Variants in KDM6A observed in about 807,000 individuals in gnomAD.
KDM6A encodes the protein lysine-specific demethylase 6A.
KDM6A carries 11 observed loss-of-function variants against 117.6 expected under a neutral mutation model. The ratio of observed to expected loss-of-function variants is 0.09; its 90% CI spans 0.06 to 0.15. The LOEUF is 0.15. Ranked by LOEUF, KDM6A falls within the 10% of genes least tolerant of loss-of-function variation. The pLI is 1.00. For synonymous variants in KDM6A, 384 were observed against 396.1 expected (o/e 0.97, Z 0.36); for missense variants, 799 against 1,077.3 (o/e 0.74, Z 3.62).
intron 7 of KDM6A, 87 bp downstream of exon 7, chrX:45,035,072 C>T: frequency 1.2e-6 from 1 of 811,143 alleles, no homozygotes; most frequent in Non-Finnish European, 1.9e-6. Flanking sequence ...AAATTCTGTG[C>T]AATTTTTTCT....
chrX:44,931,082 C>CT (rs2036592497), intron 2 of KDM6A, among the ~76,000 whole-genome samples: 1 of 109,052 alleles, frequency 9.2e-6, no homozygotes, highest in South Asian at 3.9e-4. Context: ...CTTTTTTTTT[C>CT]TTTTTTTGGA....
intron 2 of KDM6A, among the ~76,000 whole-genome samples, chrX:44,876,868 TAC>T (rs1029780405): frequency 6.3e-5 from 7 of 111,081 alleles, no homozygotes; most frequent in Non-Finnish European, 1.1e-4. Flanking sequence ...TATACATATA[TAC>T]ACACGTGTAC....
At chrX:45,025,020 A>G (rs1490968748) in intron 6 of KDM6A, among the ~76,000 whole-genome samples, 2 of 112,318 alleles carry the variant, frequency 1.8e-5, no homozygotes, top group Non-Finnish European at 3.8e-5. Flanking sequence ...GGAGATACCA[A>G]TTCTTAATTC....
intron 19 of KDM6A, among the ~76,000 whole-genome samples, chrX:45,077,218 A>G (rs2045169035): frequency 9.0e-6 from 1 of 110,520 alleles, no homozygotes; most frequent in South Asian, 3.8e-4. Context: ...TACCTTCAAA[A>G]TAAGTGTTTG....
rs190755933 is a variant in KDM6A, at chrX:45,069,931, T to C, written c.2432T>C (p.Val811Ala). Residue 811 changes from valine to alanine, a missense_variant, in exon 18 of 30, where the codon GTT (valine) becomes GCT (alanine). Physicochemically the swap from Val to Ala is moderately conservative, Grantham distance 64. Transcript: ENST00000611820. The part of the protein sequence containing the change: ...NHVHQMTADA[V>A]CSPSHGDSKS... ...GTCCATCAGATGACGGCAGATGCTG[T>C]TTGCAGTCCTAGCCATGGAGATTCT... The C allele has an allele frequency of 1.7e-6, 2 of 1,211,684 alleles. No homozygotes were observed. Among genetic ancestry groups the C allele is most frequent in the African/African-American group, 3.5e-5 (2 of 57,801 alleles).
chrX:44,987,742 C>G (rs1208457615), intron 4 of KDM6A, among the ~76,000 whole-genome samples: 1 of 111,873 alleles, frequency 8.9e-6, no homozygotes, highest in Non-Finnish European at 1.9e-5. Flanking sequence ...GGCCTCCACT[C>G]TCTTCTGGCT....
chrX:44,886,444 A>G (rs1426526013), intron 2 of KDM6A, among the ~76,000 whole-genome samples: 1 of 109,549 alleles, frequency 9.1e-6, no homozygotes, highest in Non-Finnish European at 1.9e-5. Flanking sequence ...ATATTAATTC[A>G]TTCCGTGAAT....
chrX:44,936,210 A>G (rs1209169552), intron 2 of KDM6A, among the ~76,000 whole-genome samples: 1 of 111,409 alleles, frequency 9.0e-6, no homozygotes, highest in African/African-American at 3.3e-5. Context: ...AACTCCTGCT[A>G]TCTTATAAAA....
rs757380047 is a variant in KDM6A, at chrX:45,069,828, T to C, written c.2329T>C (p.Leu777=). 1.1e-4 allele frequency: 127 copies of C among 1,209,373 alleles called. No homozygotes were observed. The East Asian group carries it at 3.1e-3, about 29-fold the overall frequency. The change falls in exon 18 of 30, where the codon TTG becomes CTG. Residue 777 remains leucine, a synonymous_variant. Coordinates refer to ENST00000611820, the MANE Select transcript of KDM6A (RefSeq NM_001291415.2). The stretch of plus-strand genomic sequence containing the variant: ...AGAGAGCAAGCCTTCAGGAAACATA[T>C]TGACGGTGCCTGAAACAAGCAGGCA... The part of the protein sequence containing the change: ...TKESKPSGNI[L]TVPETSRHTG...
At chrX:44,903,918 T>G (rs1176865710) in intron 2 of KDM6A, among the ~76,000 whole-genome samples, 1 of 112,095 alleles carries the variant, frequency 8.9e-6, no homozygotes, top group Non-Finnish European at 1.9e-5. Context: ...TTATAATAGC[T>G]GACTTTTAAA....
At chrX:45,010,008 CAG>C (rs1443713597) in intron 4 of KDM6A, among the ~76,000 whole-genome samples, 1 of 112,108 alleles carries the variant, frequency 8.9e-6, no homozygotes, top group Non-Finnish European at 1.9e-5. Context: ...TTTTAGAAAT[CAG>C]AGACATTTGT....
intron 2 of KDM6A, among the ~76,000 whole-genome samples, chrX:44,901,993 G>A (rs1252583861): frequency 6.2e-5 from 7 of 112,298 alleles, no homozygotes; most frequent in Non-Finnish European, 1.1e-4. Context: ...TTGGGAGGCC[G>A]AGGCAGGCGG....
intron 8 of KDM6A, among the ~76,000 whole-genome samples, chrX:45,042,264 G>T (rs1405889790): frequency 1.1e-4 from 1 of 9,027 alleles, no homozygotes; most frequent in Admixed American, 1.1e-3. Flanking sequence ...GGAGGGAGAG[G>T]GGAGAGGGGA....
chrX:44,977,206 T>A (rs1207591261), intron 4 of KDM6A, among the ~76,000 whole-genome samples: 2 of 111,307 alleles, frequency 1.8e-5, no homozygotes, highest in South Asian at 7.5e-4. Flanking sequence ...AGTGCTTTGC[T>A]TTTACAGAGT....
chrX:44,898,558 G>A (rs2034073285), intron 2 of KDM6A, among the ~76,000 whole-genome samples: 1 of 111,426 alleles, frequency 9.0e-6, no homozygotes, highest in Non-Finnish European at 1.9e-5. Flanking sequence ...GGTGGTGAAA[G>A]GTAGTGGTGA....
At chrX:44,939,734 GTCC>G (rs1184035705) in intron 2 of KDM6A, among the ~76,000 whole-genome samples, 1 of 111,441 alleles carries the variant, frequency 9.0e-6, no homozygotes, top group Non-Finnish European at 1.9e-5. Flanking sequence ...CTTCATTGTT[GTCC>G]TAAGAAACTG....
intron 2 of KDM6A, among the ~76,000 whole-genome samples, chrX:44,951,173 A>G (rs1408649402): frequency 8.9e-6 from 1 of 111,814 alleles, no homozygotes; most frequent in Non-Finnish European, 1.9e-5. Flanking sequence ...TGACTGGCCA[A>G]GGAGGCACCC....
intron 4 of KDM6A, among the ~76,000 whole-genome samples, chrX:44,989,024 G>C (rs1463905618): frequency 9.2e-6 from 1 of 108,491 alleles, no homozygotes; most frequent in Non-Finnish European, 1.9e-5. Context: ...ACAGAGGCAG[G>C]CAGGCCTCCT....
At chrX:44,875,612 A>G (rs2031443386) in intron 2 of KDM6A, among the ~76,000 whole-genome samples, 1 of 110,587 alleles carries the variant, frequency 9.0e-6, no homozygotes, top group South Asian at 3.8e-4. Context: ...TTATTTAAAA[A>G]TATTTGACTG....
Sources: gnomAD v4.1 joint callset for allele counts (sites outside exome capture counted in the v4.1 genomes callset) on GRCh38, gnomAD v4.1.1 for gene constraint, MANE v1.5 for transcripts, NCBI Gene and HGNC (gene_info 2026-07-23, HGNC 2026-07-21) for gene names.